Variants in SYN2 observed in about 807,000 individuals in gnomAD.
SYN2 encodes synapsin-2.
Under a neutral mutation model 50.9 loss-of-function variants are expected in SYN2, and 19 were observed. The observed-to-expected ratio is 0.37, with a 90% CI of 0.26 to 0.55. The LOEUF (loss-of-function observed/expected upper bound fraction) is 0.55. SYN2 is among the 20% of genes least tolerant of loss of function. SYN2 has a pLI of 0.81. For synonymous variants in SYN2, 255 were observed against 224.9 expected (o/e 1.13, Z -1.20); for missense variants, 587 against 576.4 (o/e 1.02, Z -0.19).
chr3:12,161,322 C>T (rs1697643127), intron 5 of SYN2, among the ~76,000 whole-genome samples: 1 of 151,990 alleles, frequency 6.6e-6, no homozygotes, highest in African/African-American at 2.4e-5. Flanking sequence ...TAGGGTATAC[C>T]AAATAAGAGT....
intron 10 of SYN2, among the ~76,000 whole-genome samples, chr3:12,176,372 A>G (rs1698068540): frequency 6.6e-6 from 1 of 152,194 alleles, no homozygotes; most frequent in Non-Finnish European, 1.5e-5. Context: ...AAAATTCTCC[A>G]GAGCCAGAAG....
intron 1 of SYN2, among the ~76,000 whole-genome samples, chr3:12,040,739 A>T (rs918976753): frequency 6.6e-6 from 1 of 152,198 alleles, no homozygotes; most frequent in African/African-American, 2.4e-5. Flanking sequence ...CCAATATTTG[A>T]TTCAAAAAAG....
intron 5 of SYN2, among the ~76,000 whole-genome samples, chr3:12,160,894 GT>G (rs1360274115): frequency 4.6e-5 from 7 of 151,794 alleles, no homozygotes; most frequent in Admixed American, 2.6e-4. Flanking sequence ...TCAGTGTAGA[GT>G]TCGCTCCCCT....
intron 1 of SYN2, among the ~76,000 whole-genome samples, chr3:12,125,251 C>G (rs568348551): frequency 1.3e-5 from 2 of 152,134 alleles, no homozygotes; most frequent in East Asian, 3.9e-4. Flanking sequence ...CCACCCACCT[C>G]AGGCTCCCAA....
At chr3:12,093,802 C>A (rs1317302411) in intron 1 of SYN2, among the ~76,000 whole-genome samples, 1 of 152,082 alleles carries the variant, frequency 6.6e-6, no homozygotes, top group Non-Finnish European at 1.5e-5. Flanking sequence ...ACATCTCTAT[C>A]CCCTGACTGC....
chr3:12,022,270 A>G (rs1048452655), intron 1 of SYN2, among the ~76,000 whole-genome samples: 1 of 152,126 alleles, frequency 6.6e-6, no homozygotes, highest in Non-Finnish European at 1.5e-5. Context: ...TTCTTGGGAC[A>G]CTGGATAGTC....
At chr3:12,124,200 A>G (rs1183267122) in intron 1 of SYN2, among the ~76,000 whole-genome samples, 2 of 152,168 alleles carry the variant, frequency 1.3e-5, no homozygotes, top group East Asian at 3.8e-4. Context: ...TAAAAATAGA[A>G]AAAACTTGAC....
chr3:12,161,703 G>A, intron 6 of SYN2, 95 bp downstream of exon 6: 3 of 1,390,976 alleles, frequency 2.2e-6, no homozygotes, highest in Non-Finnish European at 3.0e-6. Flanking sequence ...CTCTGTCACT[G>A]ATGAATTCTT....
chr3:12,005,776 A>C (rs937585376), intron 1 of SYN2, among the ~76,000 whole-genome samples: 3 of 151,842 alleles, frequency 2.0e-5, no homozygotes, highest in East Asian at 1.9e-4. Flanking sequence ...TTTTCTTCTA[A>C]AGAGATAGGT....
chr3:12,124,151 T>C (rs1696617600), intron 1 of SYN2, among the ~76,000 whole-genome samples: 1 of 152,048 alleles, frequency 6.6e-6, no homozygotes, highest in Non-Finnish European at 1.5e-5. Flanking sequence ...GAGCAAAAAA[T>C]GTTGGTAAAC....
intron 2 of SYN2, 142 bp downstream of exon 2, chr3:12,140,850 C>G (rs1697002725): frequency 2.9e-6 from 2 of 678,436 alleles, no homozygotes; most frequent in African/African-American, 1.8e-5. Flanking sequence ...CTCTCCTATC[C>G]TTTCCCCAGG....
At chr3:12,050,076 T>G (rs2125154012) in intron 1 of SYN2, among the ~76,000 whole-genome samples, 1 of 152,194 alleles carries the variant, frequency 6.6e-6, no homozygotes, top group Admixed American at 6.5e-5. Context: ...ATTTTTTGTA[T>G]TTTTAGTAAA....
intron 1 of SYN2, among the ~76,000 whole-genome samples, chr3:12,015,289 C>A (rs1694003578): frequency 6.6e-6 from 1 of 152,132 alleles, no homozygotes; most frequent in Admixed American, 6.5e-5. Context: ...AGCAGTTAGC[C>A]CACTGTATTA....
intron 1 of SYN2, among the ~76,000 whole-genome samples, chr3:12,077,147 T>A (rs933264938): frequency 6.6e-6 from 1 of 152,064 alleles, no homozygotes. Flanking sequence ...CTAGTTAAGT[T>A]AATATGGTTA....
intron 1 of SYN2, among the ~76,000 whole-genome samples, chr3:12,086,675 A>AT (rs1160289408): frequency 1.3e-5 from 2 of 152,188 alleles, no homozygotes; most frequent in Non-Finnish European, 2.9e-5. Context: ...TCCTTTCTTG[A>AT]TAAAAACTTT....
intron 1 of SYN2, among the ~76,000 whole-genome samples, chr3:12,085,371 A>ACG (rs1559413789): frequency 1.4e-4 from 13 of 91,034 alleles, no homozygotes; most frequent in African/African-American, 4.3e-4. Context: ...ACACACACAC[A>ACG]CACACACACG....
intron 1 of SYN2, among the ~76,000 whole-genome samples, chr3:12,010,411 A>G (rs1454460836): frequency 1.3e-5 from 2 of 152,204 alleles, no homozygotes; most frequent in Admixed American, 1.3e-4. Flanking sequence ...GGCCATGTCT[A>G]TTGGAATCGT....
chr3:12,162,151 A>G lies in SYN2; in HGVS notation c.977A>G (p.Tyr326Cys). The G allele has an allele frequency of 6.2e-7, 1 of 1,614,054 alleles. No individual in the cohort carries two copies. The highest frequency in any genetic ancestry group is 2.2e-5 in the East Asian group (1 of 44,876). The change falls in exon 7 of 13, where the codon TAC becomes TGC. Residue 326 changes from tyrosine to cysteine, a missense_variant. Tyr to Cys is a radical substitution (Grantham distance 194). Transcript: ENST00000621198. ...VQKIGNNYKA[Y>C]MRTSISGNWK... ...AAGATTGGCAACAACTACAAGGCTT[A>G]CATGTGAGTAAGAGTGGGGTATGTT...
chr3:12,120,360 G>A (rs1256304780), intron 1 of SYN2, among the ~76,000 whole-genome samples: 3 of 152,070 alleles, frequency 2.0e-5, no homozygotes, highest in East Asian at 3.8e-4. Flanking sequence ...TGCCCTTGAT[G>A]AGATCTGACA....
Sources: gnomAD v4.1 joint callset for allele counts (sites outside exome capture counted in the v4.1 genomes callset) on GRCh38, gnomAD v4.1.1 for gene constraint, MANE v1.5 for transcripts, NCBI Gene and HGNC (gene_info 2026-07-23, HGNC 2026-07-21) for gene names.